Variants in TMLHE observed in about 807,000 individuals in gnomAD.
TMLHE encodes trimethyllysine dioxygenase, mitochondrial.
TMLHE carries 18 observed loss-of-function variants against 25.7 expected under a neutral mutation model. The observed-to-expected ratio is 0.70, with a 90% CI of 0.48 to 1.04. The LOEUF (loss-of-function observed/expected upper bound fraction) is 1.04. Among genes scored for constraint, TMLHE ranks in the 50% least tolerant of loss-of-function variants. The pLI, the probability that TMLHE is intolerant of heterozygous loss-of-function variation, is 0.00. For synonymous variants in TMLHE, 105 were observed against 97.0 expected, an observed-to-expected ratio of 1.08 and a Z score of -0.49; for missense variants, 236 against 259.0, an observed-to-expected ratio of 0.91 and a Z score of 0.61.
At chrX:155,515,688 G>C (rs1053626052) in intron 3 of TMLHE, among the ~76,000 whole-genome samples, 2 of 111,072 alleles carry the variant, frequency 1.8e-5, no homozygotes, top group Non-Finnish European at 3.8e-5. Flanking sequence ...CTGCTATCTT[G>C]TAATAATTTT....
chrX:155,567,035 G>T lies in TMLHE; in HGVS notation c.-1-21758C>A, dbSNP rs1569562183. On this transcript the variant is annotated intron_variant, in intron 1 of 7. Transcript: ENST00000334398. ...CTAAGCTGCAAATCCCATGAGTTTG[G>T]AGAGTAAATTTACTTGTAACCTCCA... 6.4e-5 allele frequency among the ~76,000 whole-genome samples: 4 copies of T among 62,295 alleles called. 2 individuals are homozygous for T. Among genetic ancestry groups the T allele is most frequent in the African/African-American group, 7.1e-5 (2 of 28,090 alleles). The allele number at this position is 62,295 out of a possible 115,157, so 54.1% of individuals were successfully genotyped here.
At chrX:155,590,592 G>A (rs1569562245) in intron 1 of TMLHE, among the ~76,000 whole-genome samples, 1 of 111,224 alleles carries the variant, frequency 9.0e-6, no homozygotes, top group Non-Finnish European at 1.9e-5. Flanking sequence ...AAGTTTCTAC[G>A]TGCTACTGAA....
At chrX:155,600,095 A>G (rs2067747281) in intron 1 of TMLHE, among the ~76,000 whole-genome samples, 1 of 112,075 alleles carries the variant, frequency 8.9e-6, no homozygotes, top group Non-Finnish European at 1.9e-5. Flanking sequence ...AATTTACTAT[A>G]TACTGAATTT....
chrX:155,597,359 A>G (rs2067727842), intron 1 of TMLHE, among the ~76,000 whole-genome samples: 1 of 110,940 alleles, frequency 9.0e-6, no homozygotes, highest in Non-Finnish European at 1.9e-5. Flanking sequence ...GGTGCTGGAG[A>G]GGATGTGGAG....
intron 1 of TMLHE, among the ~76,000 whole-genome samples, chrX:155,557,374 C>T (rs1362539823): frequency 2.7e-5 from 3 of 112,152 alleles, no homozygotes; most frequent in Non-Finnish European, 5.6e-5. Flanking sequence ...CCGGTCCCTC[C>T]GTTTGGGGCC....
chrX:155,591,091 G>C (rs782529580), intron 1 of TMLHE, among the ~76,000 whole-genome samples: 2 of 111,492 alleles, frequency 1.8e-5, no homozygotes, highest in South Asian at 7.4e-4. Flanking sequence ...CTTTTTAAAA[G>C]AGAAAAATTT....
intron 1 of TMLHE, among the ~76,000 whole-genome samples, chrX:155,559,745 CCTT>C (rs1266914564): frequency 8.9e-5 from 10 of 112,303 alleles, no homozygotes; most frequent in African/African-American, 2.3e-4. Context: ...TCAGATTTGT[CCTT>C]CTCTTTCCAT....
chrX:155,549,184 G>A (rs1471594385), intron 1 of TMLHE, among the ~76,000 whole-genome samples: 1 of 111,065 alleles, frequency 9.0e-6, no homozygotes, highest in African/African-American at 3.3e-5. Flanking sequence ...TGTCATATAT[G>A]AATAGAGTTC....
At chrX:155,536,030 G>A (rs185876332) in intron 2 of TMLHE, among the ~76,000 whole-genome samples, 1 of 111,643 alleles carries the variant, frequency 9.0e-6, no homozygotes, top group Admixed American at 9.5e-5. Context: ...CTCTTCCCCT[G>A]CCTAGTTCAT....
chrX:155,565,901 T>A (rs1421854355), intron 1 of TMLHE, among the ~76,000 whole-genome samples: 1 of 61,577 alleles, frequency 1.6e-5, no homozygotes, highest in African/African-American at 3.6e-5. Flanking sequence ...CCCGTGGGGG[T>A]CTCCTGCATT....
At chrX:155,604,924 T>G (rs965753227) in intron 1 of TMLHE, among the ~76,000 whole-genome samples, 10 of 111,958 alleles carry the variant, frequency 8.9e-5, no homozygotes, top group African/African-American at 3.2e-4. Context: ...TATACTCAAA[T>G]CACACCACAG....
intron 3 of TMLHE, among the ~76,000 whole-genome samples, chrX:155,522,727 T>C (rs2067195987): frequency 8.9e-6 from 1 of 112,162 alleles, no homozygotes; most frequent in Non-Finnish European, 1.9e-5. Context: ...ATAAAGTTGC[T>C]GAGTAGGATT....
intron 1 of TMLHE, among the ~76,000 whole-genome samples, chrX:155,572,014 C>G (rs9710574): frequency 0.071 from 3,717 of 52,272 alleles, 817 homozygotes; most frequent in African/African-American, 0.095. Flanking sequence ...GAAATAAAGG[C>G]TATTCAATTA....
chrX:155,591,050 G>A (rs2124484830), intron 1 of TMLHE, among the ~76,000 whole-genome samples: 1 of 111,649 alleles, frequency 9.0e-6, no homozygotes, highest in South Asian at 3.7e-4. Flanking sequence ...AAGAGAGCTA[G>A]AGTGACTACA....
At chrX:155,547,715 GT>G (rs1230398955) in intron 1 of TMLHE, among the ~76,000 whole-genome samples, 2 of 101,515 alleles carry the variant, frequency 2.0e-5, no homozygotes, top group Admixed American at 2.1e-4. Context: ...AAAACTGATT[GT>G]AAAAAAAAAA....
At chrX:155,535,485 C>T (rs1297693823) in intron 2 of TMLHE, among the ~76,000 whole-genome samples, 1 of 111,540 alleles carries the variant, frequency 9.0e-6, no homozygotes, top group African/African-American at 3.3e-5. Context: ...GAGGACTCCA[C>T]CCTAATAATC....
At chrX:155,577,307 TG>T (rs2067596671) in intron 1 of TMLHE, among the ~76,000 whole-genome samples, 1 of 111,967 alleles carries the variant, frequency 8.9e-6, no homozygotes, top group Non-Finnish European at 1.9e-5. Context: ...CTGGTGCAGT[TG>T]GCTCACACCT....
chrX:155,609,972 A>G (rs1179637450), intron 1 of TMLHE, among the ~76,000 whole-genome samples: 2 of 112,344 alleles, frequency 1.8e-5, no homozygotes, highest in Non-Finnish European at 3.8e-5. Flanking sequence ...CCCCTTGGGA[A>G]AACAGTTTGG....
intron 1 of TMLHE, among the ~76,000 whole-genome samples, chrX:155,574,771 A>G (rs2067579673): frequency 8.9e-6 from 1 of 112,202 alleles, no homozygotes; most frequent in Non-Finnish European, 1.9e-5. Context: ...AAATTATAAA[A>G]AAAGAAAAAT....
Sources: gnomAD v4.1 joint callset for allele counts (sites outside exome capture counted in the v4.1 genomes callset) on GRCh38, gnomAD v4.1.1 for gene constraint, MANE v1.5 for transcripts, NCBI Gene and HGNC (gene_info 2026-07-23, HGNC 2026-07-21) for gene names.